The following GRM7 variants were observed in gnomAD, a reference collection of about 807,000 sequenced individuals.
GRM7 encodes the protein metabotropic glutamate receptor 7.
In GRM7, 35 loss-of-function variants were observed where a neutral mutation model predicts 84.5. That is an observed-to-expected ratio of 0.41 (90% CI 0.32 to 0.55). The LOEUF is 0.55. Among genes scored for constraint, GRM7 ranks in the 20% least tolerant of loss-of-function variants. The pLI is 0.19. For synonymous variants in GRM7, 487 were observed against 455.1 expected (o/e 1.07, Z -0.89); for missense variants, 1,003 against 1,194.6 (o/e 0.84, Z 2.36).
intron 2 of GRM7, among the ~76,000 whole-genome samples, chr3:7,173,486 A>G (rs1171874952): frequency 6.6e-6 from 1 of 152,160 alleles, no homozygotes; most frequent in Non-Finnish European, 1.5e-5. Flanking sequence ...TTTGTCATTT[A>G]TCACTGGATG....
chr3:7,392,190 C>T (rs1283041488), intron 4 of GRM7, among the ~76,000 whole-genome samples: 1 of 152,130 alleles, frequency 6.6e-6, no homozygotes, highest in Non-Finnish European at 1.5e-5. Flanking sequence ...CCCCAACTGA[C>T]CAAGGGAGCA....
At chr3:7,073,995 A>G (rs1261156300) in intron 1 of GRM7, among the ~76,000 whole-genome samples, 3 of 152,182 alleles carry the variant, frequency 2.0e-5, no homozygotes, top group Non-Finnish European at 4.4e-5. Context: ...ACTGAATATA[A>G]TTTACTTGCA....
intron 4 of GRM7, among the ~76,000 whole-genome samples, chr3:7,349,475 G>A (rs749155448): frequency 3.3e-5 from 5 of 152,030 alleles, no homozygotes; most frequent in South Asian, 4.1e-4. Flanking sequence ...CCTGAAATTC[G>A]TAGGTACTCA....
chr3:7,015,131 C>T (rs959438737), intron 1 of GRM7, among the ~76,000 whole-genome samples: 1 of 150,944 alleles, frequency 6.6e-6, no homozygotes, highest in South Asian at 2.1e-4. Flanking sequence ...CTGCCCTACA[C>T]CCCACCCCCC....
chr3:7,592,920 C>T (rs745429362), intron 8 of GRM7, among the ~76,000 whole-genome samples: 9 of 152,112 alleles, frequency 5.9e-5, no homozygotes, highest in African/African-American at 9.7e-5. Flanking sequence ...ACCAACCCTA[C>T]CCTTGTACTC....
chr3:7,219,288 A>G (rs931326248), intron 2 of GRM7, among the ~76,000 whole-genome samples: 7 of 151,944 alleles, frequency 4.6e-5, no homozygotes, highest in African/African-American at 1.5e-4. Flanking sequence ...CATTTACTGA[A>G]CGCTACACCT....
At chr3:6,937,906 G>A (rs1332955640) in intron 1 of GRM7, among the ~76,000 whole-genome samples, 2 of 152,188 alleles carry the variant, frequency 1.3e-5, no homozygotes, top group East Asian at 3.8e-4. Context: ...CATGCCTCTT[G>A]TCTATGATTT....
At chr3:7,452,585 T>TGTG (rs964784976) in intron 5 of GRM7, 22 bp from the exon 6 acceptor site, 2 of 1,431,344 alleles carry the variant, frequency 1.4e-6, no homozygotes, top group African/African-American at 2.8e-5. Flanking sequence ...TGTGTGTGTG[T>TGTG]GTTTCTTGTT....
chr3:7,740,163 G>A (rs75474498), intron 9 of GRM7, among the ~76,000 whole-genome samples, 194 bp from the exon 10 acceptor site: 3 of 152,304 alleles, frequency 2.0e-5, no homozygotes, highest in Admixed American at 6.5e-5. Flanking sequence ...CAATTGATTT[G>A]AGAATCACTG....
At chr3:7,380,156 ATT>A (rs1336671737) in intron 4 of GRM7, among the ~76,000 whole-genome samples, 1 of 152,190 alleles carries the variant, frequency 6.6e-6, no homozygotes, top group African/African-American at 2.4e-5. Context: ...TGCTGGTGAC[ATT>A]TCAGGAGAAA....
intron 5 of GRM7, among the ~76,000 whole-genome samples, chr3:7,419,818 C>T (rs3804979): frequency 0.43 from 65,361 of 151,994 alleles, 14,688 homozygotes; most frequent in African/African-American, 0.5. Context: ...GTTTTTCTTT[C>T]GCGATGACAG....
intron 7 of GRM7, among the ~76,000 whole-genome samples, chr3:7,514,048 G>C (rs145758870): frequency 3.3e-4 from 50 of 152,302 alleles, no homozygotes; most frequent in Middle Eastern, 6.8e-3. Context: ...CTGTAAGCTG[G>C]GGGCCATGAT....
chr3:7,008,929 G>A (rs1045612616), intron 1 of GRM7, among the ~76,000 whole-genome samples: 1 of 152,092 alleles, frequency 6.6e-6, no homozygotes, highest in Admixed American at 6.6e-5. Flanking sequence ...CTGGAAAATG[G>A]CAGGTGATAA....
At chr3:7,104,720 CATTA>C (rs1699237297) in intron 1 of GRM7, among the ~76,000 whole-genome samples, 1 of 151,696 alleles carries the variant, frequency 6.6e-6, no homozygotes, top group South Asian at 2.1e-4. Flanking sequence ...CCGGTGAAAA[CATTA>C]ATTAATTCTT....
intron 1 of GRM7, among the ~76,000 whole-genome samples, chr3:6,957,362 C>G (rs1022044877): frequency 2.6e-5 from 4 of 152,148 alleles, no homozygotes; most frequent in Admixed American, 1.3e-4. Flanking sequence ...GCCGAAGCCC[C>G]GGTGTGATGT....
chr3:7,361,347 G>A (rs758046238), intron 4 of GRM7, among the ~76,000 whole-genome samples: 23 of 152,018 alleles, frequency 1.5e-4, no homozygotes, highest in Non-Finnish European at 3.2e-4. Flanking sequence ...AAAGAACAAA[G>A]CAAGTCTAGA....
At chr3:7,329,036 C>T (rs1241507746) in intron 4 of GRM7, among the ~76,000 whole-genome samples, 1 of 151,940 alleles carries the variant, frequency 6.6e-6, no homozygotes, top group East Asian at 1.9e-4. Flanking sequence ...ATCTCAGCCC[C>T]CACCCCCACC....
At chr3:7,391,491 T>C (rs1694992311) in intron 4 of GRM7, among the ~76,000 whole-genome samples, 1 of 151,938 alleles carries the variant, frequency 6.6e-6, no homozygotes, top group African/African-American at 2.4e-5. Context: ...TTCTCACTCA[T>C]AGGTGGGAAC....
At chr3:7,014,029 T>C (rs1695475845) in intron 1 of GRM7, among the ~76,000 whole-genome samples, 1 of 152,202 alleles carries the variant, frequency 6.6e-6, no homozygotes, top group African/African-American at 2.4e-5. Flanking sequence ...TAATTAATTC[T>C]GATAGATTTT....
Sources: allele counts gnomAD v4.1 joint callset (sites outside exome capture counted in the v4.1 genomes callset), GRCh38; gene constraint gnomAD v4.1.1; transcripts MANE v1.5; gene names NCBI Gene and HGNC (gene_info 2026-07-23, HGNC 2026-07-21).